Variants in SLC38A6 observed in about 807,000 individuals in gnomAD.
SLC38A6 encodes N system amino acid transporter NAT-1.
A neutral mutation model predicts 65.0 loss-of-function variants in SLC38A6; 73 were observed. That is an observed-to-expected ratio of 1.12 (90% CI 0.93 to 1.37). The LOEUF (loss-of-function observed/expected upper bound fraction) is 1.37. SLC38A6 is among the 40% of genes most tolerant of loss of function. The pLI, the probability that SLC38A6 is intolerant of heterozygous loss-of-function variation, is 0.00. For synonymous variants in SLC38A6, 183 were observed against 178.8 expected, an observed-to-expected ratio of 1.02 and a Z score of -0.19; for missense variants, 561 against 531.1, an observed-to-expected ratio of 1.06 and a Z score of -0.55.
chr14:61,031,854 A>T (rs1211786257), intron 6 of SLC38A6, among the ~76,000 whole-genome samples: 1 of 151,940 alleles, frequency 6.6e-6, no homozygotes, highest in African/African-American at 2.4e-5. Context: ...GAGTAAGGAG[A>T]TATGTGTTCT....
At chr14:61,062,779 C>T (rs2042895960) in intron 15 of SLC38A6, among the ~76,000 whole-genome samples, 1 of 152,176 alleles carries the variant, frequency 6.6e-6, no homozygotes, top group Non-Finnish European at 1.5e-5. Flanking sequence ...CTCCTGGGTT[C>T]AAGCAATTCT....
Position 61,043,217 on chromosome 14 carries a change from T to C in SLC38A6, c.690+5T>C, listed in dbSNP as rs975181007. The C allele has an allele frequency of 1.4e-6, 2 of 1,453,182 alleles. No homozygotes were observed. The allele number at this position is 1,453,182 out of a possible 1,614,324, so 90.0% of individuals were successfully genotyped here. A position where few individuals can be genotyped will look rare whatever the true frequency, so the allele number is the denominator to read the frequency against. ...TATGTAGAGAAAGGTTTCCAGGTAA[T>C]AGCTTATATTTTCTTTTCAGTTTCT... is the stretch of plus-strand genomic sequence containing the variant. On this transcript the variant is annotated splice_donor_5th_base_variant and intron_variant, in intron 9 of 15. Coordinates refer to ENST00000267488, the MANE Select transcript of SLC38A6 (RefSeq NM_153811.3).
intron 3 of SLC38A6, among the ~76,000 whole-genome samples, chr14:60,991,345 G>A (rs1260146953): frequency 6.6e-6 from 1 of 152,012 alleles, no homozygotes; most frequent in Non-Finnish European, 1.5e-5. Context: ...ATAGCACTTA[G>A]CATCATTCTA....
Position 61,040,488 on chromosome 14 carries a change from C to T in SLC38A6, c.625-2659C>T, listed in dbSNP as rs1253328931. Among the ~76,000 whole-genome samples the T allele has an allele frequency of 5.9e-5, 9 of 151,576 alleles. No individual in the cohort carries two copies. In the South Asian group the frequency reaches 1.3e-3, roughly 21 times the overall value. On this transcript the variant is annotated intron_variant, in intron 8 of 15. Coordinates refer to ENST00000267488, the MANE Select transcript of SLC38A6 (RefSeq NM_153811.3). Reference sequence around the variant, plus strand: ...ACGAGTAGCTGGAACCATAGGCACCCGCCACCACGCCTGGCTAATTTTTTG... The same window carrying T: ...ACGAGTAGCTGGAACCATAGGCACCTGCCACCACGCCTGGCTAATTTTTTG...
intron 16 of SLC38A6, chr14:61,083,542 C>G: frequency 6.5e-7 from 1 of 1,548,096 alleles, no homozygotes; most frequent in Non-Finnish European, 8.7e-7. Flanking sequence ...GACTGGTGTT[C>G]TTGTAAGAAA....
intron 6 of SLC38A6, among the ~76,000 whole-genome samples, chr14:61,036,570 T>C (rs2139717254): frequency 6.6e-6 from 1 of 152,272 alleles, no homozygotes; most frequent in African/African-American, 2.4e-5. Context: ...GTAACAAGCC[T>C]GCACATTCTG....
At chr14:61,072,035 G>A (rs557669035) in intron 15 of SLC38A6, among the ~76,000 whole-genome samples, 2 of 152,074 alleles carry the variant, frequency 1.3e-5, no homozygotes, top group African/African-American at 4.8e-5. Context: ...AGTCTATTTT[G>A]TGTTGCTGGA....
chr14:61,014,176 C>T (rs1328985525), intron 3 of SLC38A6, among the ~76,000 whole-genome samples: 1 of 152,166 alleles, frequency 6.6e-6, no homozygotes, highest in African/African-American at 2.4e-5. Context: ...TTGATTGAAT[C>T]GGCTACTGAG....
chr14:61,020,851 C>T (rs560607490), intron 5 of SLC38A6, among the ~76,000 whole-genome samples: 1 of 152,238 alleles, frequency 6.6e-6, no homozygotes, highest in East Asian at 1.9e-4. Flanking sequence ...TTTATCCTCT[C>T]TGTATAGATT....
rs1461121545 is a variant in SLC38A6, at chr14:61,015,894, C to G, written c.311-10C>G. 3.1e-6 allele frequency: 5 copies of G among 1,598,566 alleles called. No homozygotes were observed. In the African/African-American group the frequency reaches 6.8e-5, roughly 22 times the overall value. Reference sequence around the variant, plus strand: ...TGTGTAAAAGTGAACATTGTAATTTCTCTTAACAGCTGTAACATCTTATGA... The same window carrying G: ...TGTGTAAAAGTGAACATTGTAATTTGTCTTAACAGCTGTAACATCTTATGA... On this transcript the variant is annotated splice_polypyrimidine_tract_variant and intron_variant, in intron 3 of 15. Coordinates refer to ENST00000267488, the MANE Select transcript of SLC38A6 (RefSeq NM_153811.3).
At chr14:61,076,098 G>T (rs576280567) in intron 15 of SLC38A6, among the ~76,000 whole-genome samples, 1 of 151,894 alleles carries the variant, frequency 6.6e-6, no homozygotes, top group Admixed American at 6.6e-5. Context: ...CAGGTGATCT[G>T]CCCGTCTTGG....
intron 3 of SLC38A6, among the ~76,000 whole-genome samples, chr14:61,013,168 T>G (rs1243722385): frequency 6.6e-6 from 1 of 152,220 alleles, no homozygotes; most frequent in Non-Finnish European, 1.5e-5. Context: ...TTATCTTTGT[T>G]GGTTTAAAGT....
At position 61,051,764 on chromosome 14, in the gene SLC38A6, A is replaced by G. The variant is rs371507427; in HGVS notation, c.1051-23A>G. ...GACTTTGACATTTCCTCTTCGCTATATGTTTATTTTTCTGTAATACAGGCC... is the reference window on the plus strand; with the variant it reads ...GACTTTGACATTTCCTCTTCGCTATGTGTTTATTTTTCTGTAATACAGGCC... On this transcript the variant is annotated intron_variant, in intron 13 of 15. Coordinates refer to ENST00000267488, the MANE Select transcript of SLC38A6 (RefSeq NM_153811.3). 5.0e-6 allele frequency: 8 copies of G among 1,608,164 alleles called. No homozygotes were observed. The African/African-American group carries it at 6.7e-5, about 13-fold the overall frequency.
intron 12 of SLC38A6, among the ~76,000 whole-genome samples, chr14:61,049,766 T>C (rs569227087): frequency 2.6e-5 from 4 of 152,232 alleles, no homozygotes; most frequent in African/African-American, 9.6e-5. Context: ...AAGTACAAAC[T>C]GATATTTTCC....
chr14:61,064,207 C>G (rs1364100573), intron 15 of SLC38A6, among the ~76,000 whole-genome samples: 2 of 152,188 alleles, frequency 1.3e-5, no homozygotes, highest in African/African-American at 2.4e-5. Context: ...GACATGGCCT[C>G]CCATGTGGCT....
At chr14:61,063,360 CTTAG>C (rs1221853596) in intron 15 of SLC38A6, among the ~76,000 whole-genome samples, 9 of 152,152 alleles carry the variant, frequency 5.9e-5, no homozygotes, top group Admixed American at 5.9e-4. Flanking sequence ...TCTGAGTTTT[CTTAG>C]TTGGTCACTA....
chr14:61,052,051 A>G lies in SLC38A6; in HGVS notation c.1206A>G (p.Thr402=), dbSNP rs547387001. The G allele has an allele frequency of 4.4e-6, 7 of 1,596,758 alleles. No homozygotes were observed. The South Asian group carries it at 5.8e-5, about 13-fold the overall frequency. ...CCCTCCACTTTAAAGGTGCCAGTAC[A>G]TCAACATGTTTGATTTTTATATTCC... ...RNVFGVVGAS[T]STCLIFIFPG... The change falls in exon 15 of 16, where the codon ACA becomes ACG. Residue 402 remains threonine, a synonymous_variant. Transcript: ENST00000267488.
intron 15 of SLC38A6, among the ~76,000 whole-genome samples, chr14:61,077,358 T>A (rs867693562): frequency 6.6e-6 from 1 of 152,196 alleles, no homozygotes; most frequent in South Asian, 2.1e-4. Flanking sequence ...AGATCTTGAT[T>A]ACAAAATTCG....
chr14:60,985,708 C>T (rs570028963), intron 3 of SLC38A6, among the ~76,000 whole-genome samples: 80 of 152,214 alleles, frequency 5.3e-4, no homozygotes, highest in African/African-American at 1.8e-3. Context: ...ATACCTGAGG[C>T]TGCATAATTT....
Sources: allele counts gnomAD v4.1 joint callset (sites outside exome capture counted in the v4.1 genomes callset), GRCh38; gene constraint gnomAD v4.1.1; transcripts MANE v1.5; gene names NCBI Gene and HGNC (gene_info 2026-07-23, HGNC 2026-07-21).